CFL2: variants seen among roughly 807,000 people sequenced by gnomAD.
CFL2 encodes the protein cofilin 2, also known as cofilin-2.
CFL2 carries 10 observed loss-of-function variants against 19.6 expected under a neutral mutation model. The ratio of observed to expected loss-of-function variants is 0.51; its 90% CI spans 0.31 to 0.86. The LOEUF (loss-of-function observed/expected upper bound fraction) is 0.86, where lower values mean the gene tolerates loss of function less well. Among genes scored for constraint, CFL2 ranks in the 40% least tolerant of loss-of-function variants. CFL2 has a pLI of 0.04. For missense variants in CFL2, 125 were observed against 192.1 expected, an observed-to-expected ratio of 0.65 and a Z score of 2.06; for synonymous variants, 63 against 66.7, an observed-to-expected ratio of 0.95 and a Z score of 0.27.
chr14:34,712,306 A>T lies in CFL2; in HGVS notation c.*559T>A, dbSNP rs1434180594. Reference sequence around the variant, plus strand: ...ACTAGGATAAGTTGATGACACAGTTAACAAAACTTAATTGGCATTCCTTTT... The same window carrying T: ...ACTAGGATAAGTTGATGACACAGTTTACAAAACTTAATTGGCATTCCTTTT... On this transcript the variant is annotated 3_prime_UTR_variant, in exon 4 of 4. Coordinates refer to ENST00000298159, the MANE Select transcript of CFL2 (RefSeq NM_138638.5). The T allele has an allele frequency of 8.8e-6, 4 of 454,458 alleles. No individual in the cohort carries two copies. The highest frequency in any genetic ancestry group is 1.8e-5 in the Non-Finnish European group (4 of 226,818). The allele number at this position is 454,458 out of a possible 1,614,324, so 28.2% of individuals were successfully genotyped here. A position where few individuals can be genotyped will look rare whatever the true frequency, so the allele number is the denominator to read the frequency against.
Position 34,713,123 on chromosome 14 carries a change from C to A in CFL2, c.325G>T (p.Ala109Ser). 6.3e-7 allele frequency: 1 copy of A among 1,575,486 alleles called. No individual in the cohort carries two copies. Among genetic ancestry groups the A allele is most frequent in the Non-Finnish European group, 8.6e-7 (1 of 1,160,534 alleles). Residue 109 changes from alanine (A) to serine (S), a missense_variant, in exon 3 of 4, where the codon GCA (alanine) becomes TCA (serine). Coordinates refer to ENST00000298159, the MANE Select transcript of CFL2 (RefSeq NM_138638.5). ...TAAATCATCTTGCTTTTTAAAGGTG[C>A]ACTTTCAGGAGCCCTACAGAAAAAA... ...LVFIFWAPES[A>S]PLKSKMIYAS...
Position 34,714,560 on chromosome 14 carries a change from G to A in CFL2, c.-20C>T. ...TACCATAGTGCCCTCGGCTGTGGCTGCGGCGGCAGCTCGGGCTTCGGCTCT... is the reference window on the plus strand; with the variant it reads ...TACCATAGTGCCCTCGGCTGTGGCTACGGCGGCAGCTCGGGCTTCGGCTCT... On this transcript the variant is annotated 5_prime_UTR_variant, in exon 1 of 4. Transcript: ENST00000298159. 1 of 1,579,226 alleles carries A rather than the reference G, an allele frequency of 6.3e-7. No individual in the cohort carries two copies. Among genetic ancestry groups the A allele is most frequent in the Non-Finnish European group, 8.6e-7 (1 of 1,165,326 alleles).
rs1017416673 is a variant in CFL2, at chr14:34,710,372, T to A, written c.*2493A>T. On this transcript the variant is annotated 3_prime_UTR_variant, in exon 4 of 4. Coordinates refer to ENST00000298159, the MANE Select transcript of CFL2 (RefSeq NM_138638.5). ...AAAACAGAATAAAGATAATGATGCC[T>A]CTTTGATCTGAAATACCAGTTTTTA... The A allele has an allele frequency of 2.4e-5, 6 of 254,974 alleles. No individual in the cohort carries two copies. The highest frequency in any genetic ancestry group is 3.9e-5 in the Non-Finnish European group (5 of 127,382). 15.8% of individuals were successfully genotyped at this position (254,974 alleles called of 1,614,324 possible).
At chr14:34,713,952 TC>T in intron 1 of CFL2, 1 of 802,824 alleles carries the variant, frequency 1.2e-6, no homozygotes, top group African/African-American at 1.7e-5. Context: ...ACTATTTTTT[TC>T]TTTAAAGTCA....
Position 34,713,294 on chromosome 14 carries a change from T to C in CFL2, c.271A>G (p.Thr91Ala). ...AGGTCTTCTTTCTTAGACTCTTTTG[T>C]TTCGTATGTGGCATCGTACAAAGCA... ...RYALYDATYE[T>A]KESKKEDLVF... Residue 91 changes from threonine (T) to alanine (A), a missense_variant, in exon 2 of 4, where the codon ACA becomes GCA. By Grantham distance (58) the Thr-to-Ala change is moderately conservative (BLOSUM62 0). Transcript: ENST00000298159. 1.2e-6 allele frequency: 2 copies of C among 1,613,460 alleles called. No individual in the cohort carries two copies.
Position 34,712,299 on chromosome 14 carries a change from C to T in CFL2, c.*566G>A, listed in dbSNP as rs999288863. 1 of 454,406 alleles carries T rather than the reference C, an allele frequency of 2.2e-6. No homozygotes were observed. Among genetic ancestry groups the T allele is most frequent in the Non-Finnish European group, 4.4e-6 (1 of 226,798 alleles). 28.1% of individuals were successfully genotyped at this position (454,406 alleles called of 1,614,324 possible). A position where few individuals can be genotyped will look rare whatever the true frequency, so the allele number is the denominator to read the frequency against. On this transcript the variant is annotated 3_prime_UTR_variant, in exon 4 of 4. Coordinates refer to ENST00000298159, the MANE Select transcript of CFL2 (RefSeq NM_138638.5). ...CTGAGGTACTAGGATAAGTTGATGACACAGTTAACAAAACTTAATTGGCAT... is the reference window on the plus strand; with the variant it reads ...CTGAGGTACTAGGATAAGTTGATGATACAGTTAACAAAACTTAATTGGCAT...
rs1244482300 is a variant in CFL2, at chr14:34,709,620, T to C, written c.*3245A>G. 5.4e-5 allele frequency: 2 copies of C among 37,026 alleles called. No homozygotes were observed. Among genetic ancestry groups the C allele is most frequent in the African/African-American group, 1.9e-4 (2 of 10,374 alleles). 2.3% of individuals were successfully genotyped at this position (37,026 alleles called of 1,614,324 possible). On this transcript the variant is annotated 3_prime_UTR_variant, in exon 4 of 4. Coordinates refer to ENST00000298159, the MANE Select transcript of CFL2 (RefSeq NM_138638.5). ...CCAAACTCAGTCTCTACAAAAGAGA[T>C]ACAAAAAAAAAAAAAAAAAAAATTA...
rs1197125842 is a variant in CFL2, at chr14:34,714,562, G to A, written c.-22C>T. ...CCATAGTGCCCTCGGCTGTGGCTGC[G>A]GCGGCAGCTCGGGCTTCGGCTCTGT... On this transcript the variant is annotated 5_prime_UTR_variant, in exon 1 of 4. Transcript: ENST00000298159. 2.5e-6 allele frequency: 4 copies of A among 1,578,014 alleles called. No individual in the cohort carries two copies. The highest frequency in any genetic ancestry group is 1.9e-4 in the Middle Eastern group (1 of 5,390).
chr14:34,713,885 AT>A (rs1023358626), intron 1 of CFL2: 17 of 1,405,470 alleles, frequency 1.2e-5, no homozygotes, highest in Non-Finnish European at 1.5e-5. Context: ...TACCTTCTGT[AT>A]TGTGTCAACT....
Position 34,710,472 on chromosome 14 carries a change from ACT to A in CFL2, c.*2391_*2392del, listed in dbSNP as rs1297126965. ...TATTTTCATATATTTTATTTTTTAA[ACT>A]CTCATAACTTTGCAAGCTAGCAGTA... On this transcript the variant is annotated 3_prime_UTR_variant, in exon 4 of 4. Coordinates refer to ENST00000298159, the MANE Select transcript of CFL2 (RefSeq NM_138638.5). The A allele has an allele frequency of 4.6e-6, 2 of 432,880 alleles. No individual in the cohort carries two copies. The highest frequency in any genetic ancestry group is 1.4e-4 in the East Asian group (2 of 14,006). The allele number at this position is 432,880 out of a possible 1,614,324, so 26.8% of individuals were successfully genotyped here. A position where few individuals can be genotyped will look rare whatever the true frequency, so the allele number is the denominator to read the frequency against.
At position 34,711,871 on chromosome 14, in the gene CFL2, T is replaced by C; in HGVS notation, c.*994A>G. 1 of 454,314 alleles carries C rather than the reference T, an allele frequency of 2.2e-6. No individual in the cohort carries two copies. 28.1% of individuals were successfully genotyped at this position (454,314 alleles called of 1,614,324 possible). On this transcript the variant is annotated 3_prime_UTR_variant, in exon 4 of 4. Coordinates refer to ENST00000298159, the MANE Select transcript of CFL2 (RefSeq NM_138638.5). Reference sequence around the variant, plus strand: ...TTTTAAACCAAATAGATCCAACAAATCTGGAAAATATCACACATGAATGCT... The same window carrying C: ...TTTTAAACCAAATAGATCCAACAAACCTGGAAAATATCACACATGAATGCT...
Position 34,710,737 on chromosome 14 carries a change from G to A in CFL2, c.*2128C>T, listed in dbSNP as rs1236777812. The A allele has an allele frequency of 2.2e-6, 1 of 451,716 alleles. No individual in the cohort carries two copies. Among genetic ancestry groups the A allele is most frequent in the South Asian group, 1.6e-5 (1 of 63,322 alleles). The allele number at this position is 451,716 out of a possible 1,614,324, so 28.0% of individuals were successfully genotyped here. A position where few individuals can be genotyped will look rare whatever the true frequency, so the allele number is the denominator to read the frequency against. ...AGTTTTGTCAATCTAGCAAATCAAAGTATCACAGTTTAAAGCAATATTTAA... is the reference window on the plus strand; with the variant it reads ...AGTTTTGTCAATCTAGCAAATCAAAATATCACAGTTTAAAGCAATATTTAA... On this transcript the variant is annotated 3_prime_UTR_variant, in exon 4 of 4. Coordinates refer to ENST00000298159, the MANE Select transcript of CFL2 (RefSeq NM_138638.5).
chr14:34,713,386 A>G lies in CFL2; in HGVS notation c.179T>C (p.Ile60Thr), dbSNP rs771794609. ...GTAGGGGTCCTCTACAGTATCACCA[A>G]TGTCACCCACCAAGATCTGCTTTGC... ...EEAKQILVGD[I>T]GDTVEDPYTS... The change falls in exon 2 of 4, where the codon ATT becomes ACT. Residue 60 changes from isoleucine (I) to threonine (T), a missense_variant. Coordinates refer to ENST00000298159, the MANE Select transcript of CFL2 (RefSeq NM_138638.5). 3.1e-6 allele frequency: 5 copies of G among 1,613,996 alleles called. No individual in the cohort carries two copies. The highest frequency in any genetic ancestry group is 1.1e-5 in the South Asian group (1 of 91,074).
rs777987973 is a variant in CFL2, at chr14:34,712,767, G to C, written c.*98C>G. On this transcript the variant is annotated 3_prime_UTR_variant, in exon 4 of 4. Coordinates refer to ENST00000298159, the MANE Select transcript of CFL2 (RefSeq NM_138638.5). ...GTGTTGGAAGGGCCCAGTGGAAAGGGGGAAATACAACAAAAAACCAAAACC... is the reference window on the plus strand; with the variant it reads ...GTGTTGGAAGGGCCCAGTGGAAAGGCGGAAATACAACAAAAAACCAAAACC... 1.3e-6 allele frequency: 1 copy of C among 769,154 alleles called. No homozygotes were observed. Among genetic ancestry groups the C allele is most frequent in the South Asian group, 1.4e-5 (1 of 72,498 alleles). The allele number at this position is 769,154 out of a possible 1,614,324, so 47.6% of individuals were successfully genotyped here.
Position 34,710,265 on chromosome 14 carries a change from C to A in CFL2, c.*2600G>T. ...AACTGTTCCCATTTGTCTGAAAATG[C>A]TAAAATTAATTGCTGTAACACTCAG... On this transcript the variant is annotated 3_prime_UTR_variant, in exon 4 of 4. Coordinates refer to ENST00000298159, the MANE Select transcript of CFL2 (RefSeq NM_138638.5). 1 of 224,218 alleles carries A rather than the reference C, an allele frequency of 4.5e-6. No homozygotes were observed. The highest frequency in any genetic ancestry group is 5.8e-5 in the South Asian group (1 of 17,324). The allele number at this position is 224,218 out of a possible 1,614,324, so 13.9% of individuals were successfully genotyped here. A position where few individuals can be genotyped will look rare whatever the true frequency, so the allele number is the denominator to read the frequency against.
chr14:34,711,554 T>C lies in CFL2; in HGVS notation c.*1311A>G. ...TGACTGTTCCGAAACATCAGAAGTA[T>C]CATTAAACTTTTAAAGGACATTTTA... On this transcript the variant is annotated 3_prime_UTR_variant, in exon 4 of 4. Transcript: ENST00000298159. 1 of 454,380 alleles carries C rather than the reference T, an allele frequency of 2.2e-6. No homozygotes were observed. 28.1% of individuals were successfully genotyped at this position (454,380 alleles called of 1,614,324 possible).
rs183290630 is a variant in CFL2, at chr14:34,710,171, C to G, written c.*2694G>C. 244 of 163,286 alleles carry G rather than the reference C, an allele frequency of 1.5e-3. 1 individual carries two copies. Among genetic ancestry groups the G allele is most frequent in the Non-Finnish European group, 2.2e-3 (166 of 75,072 alleles). 10.1% of individuals were successfully genotyped at this position (163,286 alleles called of 1,614,324 possible). Reference sequence around the variant, plus strand: ...TACGAAAAAGGCACATTTCAATACACAATGCTGGCCACACTATTTTAGATA... The same window carrying G: ...TACGAAAAAGGCACATTTCAATACAGAATGCTGGCCACACTATTTTAGATA... On this transcript the variant is annotated 3_prime_UTR_variant, in exon 4 of 4. Coordinates refer to ENST00000298159, the MANE Select transcript of CFL2 (RefSeq NM_138638.5).
In CFL2 at chr14:34,710,565, T is replaced by C. The variant is rs757762858; in HGVS notation, c.*2300A>G. Reference sequence around the variant, plus strand: ...CTTTTAAAGCTAACTGGAACATTGATTCATTATAAATGATTGTAAAATAAA... The same window carrying C: ...CTTTTAAAGCTAACTGGAACATTGACTCATTATAAATGATTGTAAAATAAA... On this transcript the variant is annotated 3_prime_UTR_variant, in exon 4 of 4. Transcript: ENST00000298159. 2.3e-6 allele frequency: 1 copy of C among 432,984 alleles called. No homozygotes were observed. Among genetic ancestry groups the C allele is most frequent in the Non-Finnish European group, 4.6e-6 (1 of 218,444 alleles). 26.8% of individuals were successfully genotyped at this position (432,984 alleles called of 1,614,324 possible). A position where few individuals can be genotyped will look rare whatever the true frequency, so the allele number is the denominator to read the frequency against.
chr14:34,713,011 TATAATTA>T, intron 3 of CFL2, 34 bp from the exon 4 acceptor site: 3 of 1,545,434 alleles, frequency 1.9e-6, no homozygotes, highest in Non-Finnish European at 2.7e-6. Context: ...ATTACTTTAT[TATAATTA>T]ATAAAGAATA....
Sources: gnomAD v4.1 joint callset for allele counts on GRCh38, gnomAD v4.1.1 for gene constraint, MANE v1.5 for transcripts, NCBI Gene and HGNC (gene_info 2026-07-23, HGNC 2026-07-21) for gene names.